BICC1: variants seen among roughly 807,000 people sequenced by gnomAD.
The protein encoded by BICC1 is BicC family RNA binding protein 1.
BICC1 carries 43 observed loss-of-function variants against 111.0 expected under a neutral mutation model. That is an observed-to-expected ratio of 0.39 (90% CI 0.30 to 0.50). The LOEUF is 0.50. Among genes scored for constraint, BICC1 ranks in the 20% least tolerant of loss-of-function variants. The pLI, the probability that BICC1 is intolerant of heterozygous loss-of-function variation, is 0.88. For missense variants in BICC1, 1,091 were observed against 1,203.2 expected, an observed-to-expected ratio of 0.91 and a Z score of 1.38; for synonymous variants, 467 against 434.4, an observed-to-expected ratio of 1.07 and a Z score of -0.93.
chr10:58,601,140 T>TAATATATATA (rs1554810885), intron 1 of BICC1, among the ~76,000 whole-genome samples: 1,280 of 100,552 alleles, frequency 0.013, 83 homozygotes, highest in African/African-American at 0.018. Flanking sequence ...ATTTTAAAAC[T>TAATATATATA]TATATATATA....
chr10:58,555,306 ATTT>A (rs61692850), intron 1 of BICC1, among the ~76,000 whole-genome samples: 3 of 102,526 alleles, frequency 2.9e-5, no homozygotes, highest in African/African-American at 1.2e-4. Flanking sequence ...GCTGTTGGAC[ATTT>A]TTTTTTTTTT....
At chr10:58,791,088 G>C (rs1843161512) in intron 8 of BICC1, among the ~76,000 whole-genome samples, 1 of 152,156 alleles carries the variant, frequency 6.6e-6, no homozygotes, top group Non-Finnish European at 1.5e-5. Flanking sequence ...GTTGGAATCA[G>C]TAAGATTGTA....
intron 1 of BICC1, among the ~76,000 whole-genome samples, chr10:58,601,171 T>A (rs1335294349): frequency 3.0e-5 from 4 of 133,868 alleles, no homozygotes; most frequent in Admixed American, 7.5e-5. Context: ...TATATATATA[T>A]CTCCCAATAA....
intron 1 of BICC1, among the ~76,000 whole-genome samples, chr10:58,616,228 C>G (rs927043067): frequency 2.6e-5 from 4 of 152,168 alleles, no homozygotes; most frequent in African/African-American, 7.2e-5. Flanking sequence ...GGGGTCTGCT[C>G]CATAAAGAAG....
At chr10:58,594,848 A>G (rs140182709) in intron 1 of BICC1, among the ~76,000 whole-genome samples, 5 of 152,320 alleles carry the variant, frequency 3.3e-5, no homozygotes, top group Admixed American at 2.0e-4. Flanking sequence ...TAGCATCATA[A>G]TGACAGGATC....
intron 1 of BICC1, among the ~76,000 whole-genome samples, chr10:58,535,314 A>G (rs1407204689): frequency 6.6e-6 from 1 of 151,824 alleles, no homozygotes; most frequent in Non-Finnish European, 1.5e-5. Context: ...TGTGAAGGAA[A>G]TAATTCTAAG....
intron 18 of BICC1, among the ~76,000 whole-genome samples, chr10:58,816,677 C>A (rs990594392): frequency 6.6e-6 from 1 of 151,312 alleles, no homozygotes; most frequent in Non-Finnish European, 1.5e-5. Flanking sequence ...GACAGATTTC[C>A]CACACAGGCA....
At chr10:58,594,433 C>A (rs966914537) in intron 1 of BICC1, among the ~76,000 whole-genome samples, 3 of 152,032 alleles carry the variant, frequency 2.0e-5, no homozygotes, top group Admixed American at 1.3e-4. Context: ...TTGAGATTCT[C>A]CAAGTTGAAA....
chr10:58,792,947 A>G (rs1361901550), intron 8 of BICC1, among the ~76,000 whole-genome samples: 1 of 152,158 alleles, frequency 6.6e-6, no homozygotes, highest in Non-Finnish European at 1.5e-5. Flanking sequence ...CCAAAGTACA[A>G]GATCCTCTTA....
intron 3 of BICC1, among the ~76,000 whole-genome samples, chr10:58,702,586 G>T (rs570603908): frequency 6.6e-6 from 1 of 151,628 alleles, no homozygotes; most frequent in South Asian, 2.1e-4. Context: ...TCATCTATCA[G>T]ACAGCAAAGA....
intron 3 of BICC1, among the ~76,000 whole-genome samples, chr10:58,758,800 G>A (rs940767402): frequency 6.6e-6 from 1 of 152,108 alleles, no homozygotes. Flanking sequence ...GTTAAGTTCT[G>A]TAAAGTCTGA....
At chr10:58,621,992 G>A (rs148548774) in intron 2 of BICC1, among the ~76,000 whole-genome samples, 1 of 148,308 alleles carries the variant, frequency 6.7e-6, no homozygotes, top group African/African-American at 2.5e-5. Flanking sequence ...GCAACATGGA[G>A]AAATCTCTCC....
intron 20 of BICC1, among the ~76,000 whole-genome samples, chr10:58,825,985 A>G (rs773749594): frequency 4.0e-5 from 6 of 151,214 alleles, no homozygotes; most frequent in Admixed American, 6.6e-5. Context: ...CATAACAACT[A>G]TTGTTTAAAA....
chr10:58,528,578 A>C (rs968487741), intron 1 of BICC1, among the ~76,000 whole-genome samples: 1 of 151,904 alleles, frequency 6.6e-6, no homozygotes, highest in Non-Finnish European at 1.5e-5. Flanking sequence ...ATAACCTTTT[A>C]TGTTAGCTTG....
intron 2 of BICC1, among the ~76,000 whole-genome samples, chr10:58,663,543 C>T (rs747000130): frequency 1.8e-4 from 28 of 152,252 alleles, no homozygotes; most frequent in South Asian, 4.1e-4. Flanking sequence ...AGGAGGTGAG[C>T]GGTAGCCAAG....
At chr10:58,687,315 G>A (rs1482828148) in intron 2 of BICC1, among the ~76,000 whole-genome samples, 1 of 152,218 alleles carries the variant, frequency 6.6e-6, no homozygotes, top group East Asian at 1.9e-4. Flanking sequence ...GGCTACTCAG[G>A]GATCAGGGAC....
intron 3 of BICC1, among the ~76,000 whole-genome samples, chr10:58,734,331 A>G (rs549441683): frequency 6.6e-6 from 1 of 152,256 alleles, no homozygotes; most frequent in Non-Finnish European, 1.5e-5. Context: ...CTTTCTGGTT[A>G]GAATGAGATT....
At chr10:58,560,772 T>G (rs1051916763) in intron 1 of BICC1, among the ~76,000 whole-genome samples, 8 of 152,050 alleles carry the variant, frequency 5.3e-5, no homozygotes, top group African/African-American at 1.7e-4. Flanking sequence ...TTTAATAATT[T>G]TTTTTGTTTT....
chr10:58,584,010 G>C (rs1454984154), intron 1 of BICC1, among the ~76,000 whole-genome samples: 7 of 151,108 alleles, frequency 4.6e-5, no homozygotes, highest in African/African-American at 1.7e-4. Context: ...AATTGTAACT[G>C]TTTTGTTGAG....
Sources: allele counts gnomAD v4.1 joint callset (sites outside exome capture counted in the v4.1 genomes callset), GRCh38; gene constraint gnomAD v4.1.1; transcripts MANE v1.5; gene names NCBI Gene and HGNC (gene_info 2026-07-23, HGNC 2026-07-21).